The following SRGAP3 variants were observed in gnomAD, a reference collection of about 807,000 sequenced individuals.
SRGAP3 encodes the protein SLIT-ROBO Rho GTPase activating protein 3, also known as SLIT-ROBO Rho GTPase-activating protein 3.
SRGAP3 carries 39 observed loss-of-function variants against 121.1 expected under a neutral mutation model. The ratio of observed to expected loss-of-function variants is 0.32; its 90% confidence interval spans 0.25 to 0.42. SRGAP3 has a LOEUF of 0.42. SRGAP3 is among the 10% of genes least tolerant of loss of function. The probability of loss-of-function intolerance (pLI) is 1.00; values close to 1 mark genes in which losing one functional copy is unlikely to be tolerated. For missense variants in SRGAP3, 1,213 were observed against 1,470.6 expected (o/e 0.82, Z 2.86); for synonymous variants, 601 against 570.0 (o/e 1.05, Z -0.77).
intron 3 of SRGAP3, among the ~76,000 whole-genome samples, chr3:9,262,602 A>C (rs970429012): frequency 6.6e-6 from 1 of 151,730 alleles, no homozygotes; most frequent in Non-Finnish European, 1.5e-5. Context: ...CTTCAAACCA[A>C]CAAATATCAA....
At chr3:9,251,178 C>T (rs886469147), upstream of SRGAP3, among the ~76,000 whole-genome samples, 9 of 152,174 alleles carry the variant, frequency 5.9e-5, no homozygotes, top group Non-Finnish European at 1.2e-4. Context: ...CTGGAGCACA[C>T]AGCATGAGCT....
At chr3:9,035,384 C>T (rs1320299031) in intron 11 of SRGAP3, 2 of 169,970 alleles carry the variant, frequency 1.2e-5, no homozygotes, top group South Asian at 4.0e-4. Flanking sequence ...AAGCAAAGGA[C>T]TGTGTGAATC....
chr3:9,284,764 T>G (rs375888882), intron 3 of SRGAP3, among the ~76,000 whole-genome samples: 14 of 150,316 alleles, frequency 9.3e-5, no homozygotes, highest in African/African-American at 3.4e-4. Flanking sequence ...GCCTGAGAAG[T>G]TGAGGCTGCA....
intron 1 of SRGAP3, among the ~76,000 whole-genome samples, chr3:9,144,068 C>T (rs1004879479): frequency 3.3e-5 from 5 of 152,048 alleles, no homozygotes; most frequent in Admixed American, 3.3e-4. Context: ...CCAATATTTT[C>T]AGATCAATTC....
At chr3:9,075,579 T>G (rs1201900364) in intron 4 of SRGAP3, among the ~76,000 whole-genome samples, 1 of 152,184 alleles carries the variant, frequency 6.6e-6, no homozygotes, top group Admixed American at 6.5e-5. Flanking sequence ...TAGCCCCAGA[T>G]AGAGACAAGC....
chr3:9,183,053 A>C (rs1239359633), intron 1 of SRGAP3, among the ~76,000 whole-genome samples: 9 of 151,844 alleles, frequency 5.9e-5, no homozygotes, highest in Non-Finnish European at 1.3e-4. Context: ...TCTGTCACCC[A>C]AACTCACCCA....
intron 1 of SRGAP3, among the ~76,000 whole-genome samples, chr3:9,195,172 T>A (rs554950944): frequency 1.3e-5 from 2 of 152,296 alleles, no homozygotes; most frequent in South Asian, 2.1e-4. Flanking sequence ...AAAGATCCAA[T>A]AACCAAAAAT....
At chr3:9,174,612 G>A (rs1261572623) in intron 1 of SRGAP3, among the ~76,000 whole-genome samples, 2 of 152,186 alleles carry the variant, frequency 1.3e-5, no homozygotes, top group East Asian at 3.9e-4. Flanking sequence ...TACCAGCAAA[G>A]ACGCACAGGC....
In SRGAP3 at chr3:9,124,889, G is replaced by A; in HGVS notation, c.96C>T (p.Phe32=). Residue 32 remains phenylalanine (F), a synonymous_variant, in exon 2 of 22, where the codon TTC becomes TTT. Coordinates refer to ENST00000383836, the MANE Select transcript of SRGAP3 (RefSeq NM_014850.4). ...ACTCTGATTGCTGCTCCAGACATTT[G>A]AACTGCTCCACCAGCTGCGTGCGGA... is the stretch of plus-strand genomic sequence containing the variant. ...KEIRTQLVEQ[F]KCLEQQSESR... The A allele has an allele frequency of 6.2e-7, 1 of 1,614,178 alleles. No homozygotes were observed. Among genetic ancestry groups the A allele is most frequent in the Non-Finnish European group, 8.5e-7 (1 of 1,180,040 alleles).
chr3:9,007,094 T>C (rs369085964), intron 18 of SRGAP3: 28 of 151,974 alleles, frequency 1.8e-4, no homozygotes, highest in African/African-American at 6.8e-4. Flanking sequence ...CCTGAGTTGC[T>C]GGGACCACAG....
At chr3:9,028,875 T>C (rs1944340366) in intron 12 of SRGAP3, among the ~76,000 whole-genome samples, 1 of 152,152 alleles carries the variant, frequency 6.6e-6, no homozygotes, top group South Asian at 2.1e-4. Context: ...AATGCCTTCA[T>C]GAGCTTGGGG....
chr3:9,308,041 G>A (rs1955186226), intron 3 of SRGAP3, among the ~76,000 whole-genome samples: 4 of 152,190 alleles, frequency 2.6e-5, no homozygotes. Context: ...TGTAATCCCA[G>A]CTACTTGGGA....
At chr3:9,043,794 G>C (rs1024176026) in intron 10 of SRGAP3, among the ~76,000 whole-genome samples, 3 of 152,118 alleles carry the variant, frequency 2.0e-5, no homozygotes, top group Non-Finnish European at 4.4e-5. Context: ...ATTAAAGTTG[G>C]CATGAAAAGG....
Position 8,984,372 on chromosome 3 carries a change from G to A in SRGAP3, c.*1147C>T, listed in dbSNP as rs1193188628. 4.3e-6 allele frequency: 1 copy of A among 230,706 alleles called. No homozygotes were observed. Among genetic ancestry groups the A allele is most frequent in the Non-Finnish European group, 8.6e-6 (1 of 116,574 alleles). The allele number at this position is 230,706 out of a possible 1,614,324, so 14.3% of individuals were successfully genotyped here. ...CAGCCTGATTTAAAATGAAAACGATGTGACTCAAAGCCTCCTTGCCTGTTT... is the reference window on the plus strand; with the variant it reads ...CAGCCTGATTTAAAATGAAAACGATATGACTCAAAGCCTCCTTGCCTGTTT... On this transcript the variant is annotated 3_prime_UTR_variant, in exon 22 of 22. Coordinates refer to ENST00000383836, the MANE Select transcript of SRGAP3 (RefSeq NM_014850.4).
At chr3:9,040,603 G>A (rs577985174) in intron 10 of SRGAP3, among the ~76,000 whole-genome samples, 6 of 150,844 alleles carry the variant, frequency 4.0e-5, no homozygotes, top group African/African-American at 7.3e-5. Flanking sequence ...TCTGTTGTCC[G>A]CTCAGGCTGG....
intron 4 of SRGAP3, among the ~76,000 whole-genome samples, chr3:9,076,260 G>A (rs536887039): frequency 2.0e-5 from 3 of 152,194 alleles, no homozygotes; most frequent in African/African-American, 7.2e-5. Context: ...GAGGTAGTTT[G>A]TTACACAGCA....
chr3:9,317,442 G>A (rs1955367300), intron 3 of SRGAP3, among the ~76,000 whole-genome samples: 1 of 152,198 alleles, frequency 6.6e-6, no homozygotes, highest in African/African-American at 2.4e-5. Flanking sequence ...CCATCTCACT[G>A]TTTTCCTTCC....
At chr3:9,203,860 T>A (rs1420158557) in intron 1 of SRGAP3, among the ~76,000 whole-genome samples, 3 of 152,238 alleles carry the variant, frequency 2.0e-5, no homozygotes, top group Non-Finnish European at 4.4e-5. Context: ...TTTCATTTGA[T>A]CCTCATAACA....
chr3:9,046,461 G>A (rs1281682373), intron 10 of SRGAP3, among the ~76,000 whole-genome samples: 1 of 152,208 alleles, frequency 6.6e-6, no homozygotes, highest in Non-Finnish European at 1.5e-5. Flanking sequence ...GTAAGGAAAG[G>A]GAGAATGACT....
Sources: allele counts gnomAD v4.1 joint callset (sites outside exome capture counted in the v4.1 genomes callset), GRCh38; gene constraint gnomAD v4.1.1; transcripts MANE v1.5; gene names NCBI Gene and HGNC (gene_info 2026-07-23, HGNC 2026-07-21).